Variants in GPRIN1 observed in about 807,000 individuals in gnomAD.
GPRIN1 encodes G protein-regulated inducer of neurite outgrowth 1.
Under a neutral mutation model 2.8 loss-of-function variants are expected in GPRIN1, and 4 were observed. The ratio of observed to expected loss-of-function variants is 1.45; its 90% CI spans 0.71 to 3.32. The LOEUF is 3.32. Among genes scored for constraint, GPRIN1 ranks in the 30% most tolerant of loss-of-function variants. The pLI is 0.01. For missense variants in GPRIN1, 1,322 were observed against 1,343.4 expected, an observed-to-expected ratio of 0.98 and a Z score of 0.25; for synonymous variants, 589 against 589.9, an observed-to-expected ratio of 1.00 and a Z score of 0.02.
In GPRIN1 at chr5:176,597,047, C is replaced by T. The variant is rs1343662635; in HGVS notation, c.2788G>A (p.Glu930Lys). Residue 930 changes from glutamate (E) to lysine (K), a missense_variant, in exon 2 of 2, where the codon GAG becomes AAG. By Grantham distance (56) the Glu-to-Lys change is moderately conservative. This residue lies in a region of GPRIN1 where 196 missense variants were observed against 189.2 expected (regional missense o/e 1.04). Coordinates refer to ENST00000303991, the MANE Select transcript of GPRIN1 (RefSeq NM_052899.3). This position sits in a 1 kb window ranked among gnomAD's most constrained non-coding sequence, Gnocchi z 6.1. Reference protein sequence around the residue: ...MTWEVYGAAMEVEVLGMAIQK... With the variant: ...MTWEVYGAAMKVEVLGMAIQK... ...ATGGCCATGCCCAGCACCTCCACCT[C>T]CATGGCGGCGCCGTATACCTCCCAC... The T allele has an allele frequency of 5.3e-6, 8 of 1,506,650 alleles. No individual in the cohort carries two copies. The highest frequency in any genetic ancestry group is 5.3e-6 in the Non-Finnish European group (6 of 1,125,340). 93.3% of individuals were successfully genotyped at this position (1,506,650 alleles called of 1,614,324 possible).
chr5:176,607,903 C>CT (rs35368228), intron 1 of GPRIN1, among the ~76,000 whole-genome samples: 929 of 67,316 alleles, frequency 0.014, 199 homozygotes, highest in Non-Finnish European at 0.02. Flanking sequence ...ACACTTGGCT[C>CT]TTTTTTTTTT....
rs868494121 is a variant in GPRIN1 at position 176,599,492 on chromosome 5, C to T, written c.343G>A (p.Ala115Thr). The change falls in exon 2 of 2, where the codon GCC becomes ACC. Residue 115 changes from alanine to threonine, a missense_variant. Transcript: ENST00000303991. ...GCTTCTGGTGTCCCTGAGATGGAGG[C>T]TCCATGTGCCTCCAATGTCTCCTTG... is the stretch of plus-strand genomic sequence containing the variant. Reference protein sequence around the residue: ...PSKETLEAHGASISGTPEATT... With the variant: ...PSKETLEAHGTSISGTPEATT... 1.9e-6 allele frequency: 3 copies of T among 1,611,440 alleles called. No homozygotes were observed. The highest frequency in any genetic ancestry group is 2.7e-5 in the African/African-American group (2 of 74,786).
In GPRIN1 at chr5:176,597,378, C is replaced by T; in HGVS notation, c.2457G>A (p.Gln819=). The part of the protein sequence containing the change: ...REDAGTQAGA[Q]ACVSVAVSPM... ...GGCTCACGGCCACTGAGACGCAGGC[C>T]TGCGCGCCCGCCTGAGTGCCCGCGT... The change falls in exon 2 of 2, where the codon CAG becomes CAA. Residue 819 remains glutamine, a synonymous_variant. Coordinates refer to ENST00000303991, the MANE Select transcript of GPRIN1 (RefSeq NM_052899.3). The surrounding 1 kb of genome is among the most constrained non-coding windows in gnomAD (Gnocchi z 6.1). The T allele has an allele frequency of 7.8e-7, 1 of 1,277,984 alleles. No homozygotes were observed. Among genetic ancestry groups the T allele is most frequent in the Non-Finnish European group, 9.8e-7 (1 of 1,016,418 alleles). The allele number at this position is 1,277,984 out of a possible 1,614,324, so 79.2% of individuals were successfully genotyped here.
In GPRIN1 at chr5:176,598,012, G is replaced by T; in HGVS notation, c.1823C>A (p.Ser608Tyr). The T allele has an allele frequency of 6.2e-7, 1 of 1,614,080 alleles. No individual in the cohort carries two copies. The highest frequency in any genetic ancestry group is 8.5e-7 in the Non-Finnish European group (1 of 1,180,010). The change falls in exon 2 of 2, where the codon TCT becomes TAT. Residue 608 changes from serine to tyrosine, a missense_variant. By Grantham distance (144) the Ser-to-Tyr change is moderately radical. This residue lies in a region of GPRIN1 where 1,117 missense variants were observed against 1,128.6 expected (regional missense o/e 0.99). Coordinates refer to ENST00000303991, the MANE Select transcript of GPRIN1 (RefSeq NM_052899.3). ...AGGACTCCCCTTCTCTAGAGGCAGA[G>T]AACCCACTTTTCCCTCTGGGATAGC... is the stretch of plus-strand genomic sequence containing the variant. ...AEAIPEGKVG[S>Y]LPLEKGSPVT...
intron 1 of GPRIN1, among the ~76,000 whole-genome samples, chr5:176,607,901 CTCT>C (rs1759245961): frequency 1.0e-5 from 1 of 95,906 alleles, no homozygotes; most frequent in Non-Finnish European, 2.1e-5. Context: ...TGACACTTGG[CTCT>C]TTTTTTTTTT....
chr5:176,596,496 T>G lies in GPRIN1; in HGVS notation c.*312A>C, dbSNP rs2113344109. ...GGAGCCTGCCCCAGCTCTCAGGGGG[T>G]GGGAGGTGAGGGTGCTGAGCAGGCC... On this transcript the variant is annotated 3_prime_UTR_variant, in exon 2 of 2. Transcript: ENST00000303991. This position sits in a 1 kb window ranked among gnomAD's most constrained non-coding sequence, Gnocchi z 5.2. The G allele has an allele frequency of 5.7e-6, 1 of 174,062 alleles. No individual in the cohort carries two copies. The highest frequency in any genetic ancestry group is 1.2e-5 in the Non-Finnish European group (1 of 84,856). The allele number at this position is 174,062 out of a possible 1,614,324, so 10.8% of individuals were successfully genotyped here. A position where few individuals can be genotyped will look rare whatever the true frequency, so the allele number is the denominator to read the frequency against.
chr5:176,595,924 C>CA lies in GPRIN1; in HGVS notation c.*883dup, dbSNP rs967683397. On this transcript the variant is annotated 3_prime_UTR_variant, in exon 2 of 2. Coordinates refer to ENST00000303991, the MANE Select transcript of GPRIN1 (RefSeq NM_052899.3). ...ACTTGGGCTCACAGCACAGGGGGGA[C>CA]AAGGGGCTGGAGAGGGTGGCCTTTA... 6 of 380,394 alleles carry CA rather than the reference C, an allele frequency of 1.6e-5. No homozygotes were observed. The highest frequency in any genetic ancestry group is 2.3e-5 in the Non-Finnish European group (5 of 213,876). The allele number at this position is 380,394 out of a possible 1,614,324, so 23.6% of individuals were successfully genotyped here. A position where few individuals can be genotyped will look rare whatever the true frequency, so the allele number is the denominator to read the frequency against.
intron 1 of GPRIN1, among the ~76,000 whole-genome samples, chr5:176,606,003 C>T (rs1338961302): frequency 6.6e-6 from 1 of 152,120 alleles, no homozygotes; most frequent in Non-Finnish European, 1.5e-5. Flanking sequence ...CTCACTACCC[C>T]TCATTTCAGC....
Position 176,597,418 on chromosome 5 carries a change from G to A in GPRIN1, c.2417C>T (p.Pro806Leu). 1 of 1,293,684 alleles carries A rather than the reference G, an allele frequency of 7.7e-7. No individual in the cohort carries two copies. The highest frequency in any genetic ancestry group is 9.8e-7 in the Non-Finnish European group (1 of 1,025,564). 80.1% of individuals were successfully genotyped at this position (1,293,684 alleles called of 1,614,324 possible). The change falls in exon 2 of 2, where the codon CCG becomes CTG. Residue 806 changes from proline to leucine, a missense_variant. Around this residue, in one of 3 missense-constraint regions of GPRIN1, gnomAD observed 1,117 missense variants for 1,128.6 expected, o/e 0.99. Transcript: ENST00000303991. The surrounding 1 kb of genome is among the most constrained non-coding windows in gnomAD (Gnocchi z 6.1). The stretch of plus-strand genomic sequence containing the variant: ...AGTGCCCGCGTCCTCGCGCGGCGGC[G>A]GCGGGGCGCTCGCCTCCCACGACGG... ...KAPSWEASAPPPPREDAGTQA... is the reference protein window; with the variant it reads ...KAPSWEASAPLPPREDAGTQA...
intron 1 of GPRIN1, among the ~76,000 whole-genome samples, chr5:176,603,912 G>A (rs1759184913): frequency 6.6e-6 from 1 of 152,210 alleles, no homozygotes; most frequent in African/African-American, 2.4e-5. Flanking sequence ...GACTGAGGGA[G>A]ACAAGAGGGA....
chr5:176,596,633 G>A lies in GPRIN1; in HGVS notation c.*175C>T. The A allele has an allele frequency of 4.5e-6, 2 of 444,842 alleles. No individual in the cohort carries two copies. Among genetic ancestry groups the A allele is most frequent in the Non-Finnish European group, 6.9e-6 (2 of 291,366 alleles). 27.6% of individuals were successfully genotyped at this position (444,842 alleles called of 1,614,324 possible). A position where few individuals can be genotyped will look rare whatever the true frequency, so the allele number is the denominator to read the frequency against. ...GTGGCCACGAGGGAGCTTGGTAGAA[G>A]GGGTTCTTCTGTATTTGTGATGGGA... On this transcript the variant is annotated 3_prime_UTR_variant, in exon 2 of 2. Coordinates refer to ENST00000303991, the MANE Select transcript of GPRIN1 (RefSeq NM_052899.3). The surrounding 1 kb of genome is among the most constrained non-coding windows in gnomAD (Gnocchi z 5.2).
chr5:176,598,322 G>T lies in GPRIN1; in HGVS notation c.1513C>A (p.Pro505Thr), dbSNP rs1759087062. The T allele has an allele frequency of 6.2e-7, 1 of 1,613,776 alleles. No individual in the cohort carries two copies. Among genetic ancestry groups the T allele is most frequent in the Non-Finnish European group, 8.5e-7 (1 of 1,179,740 alleles). Residue 505 changes from proline (P) to threonine (T), a missense_variant, in exon 2 of 2, where the codon CCC (proline) becomes ACC (threonine). Pro to Thr is a conservative substitution (Grantham distance 38, BLOSUM62 -1). Coordinates refer to ENST00000303991, the MANE Select transcript of GPRIN1 (RefSeq NM_052899.3). ...GDPRSLGTAG[P>T]PSAVKAEPAT... The stretch of plus-strand genomic sequence containing the variant: ...GGCTCAGCCTTTACTGCAGATGGGG[G>T]ACCTGCTGTCCCCAAGGACCTGGGA...
At position 176,597,259 on chromosome 5, in the gene GPRIN1, A is replaced by G; in HGVS notation, c.2576T>C (p.Leu859Pro). The G allele has an allele frequency of 1.0e-5, 13 of 1,245,696 alleles. No homozygotes were observed. Among genetic ancestry groups the G allele is most frequent in the Non-Finnish European group, 1.3e-5 (13 of 997,314 alleles). 77.2% of individuals were successfully genotyped at this position (1,245,696 alleles called of 1,614,324 possible). Residue 859 changes from leucine to proline, a missense_variant, in exon 2 of 2, where the codon CTG becomes CCG. By Grantham distance (98) the Leu-to-Pro change is moderately conservative. Coordinates refer to ENST00000303991, the MANE Select transcript of GPRIN1 (RefSeq NM_052899.3). This position sits in a 1 kb window ranked among gnomAD's most constrained non-coding sequence, Gnocchi z 6.1. ...PSPPSRRDAG[L>P]QVSLGAAETR... ...CTCGGCGGCGCCCAGCGACACCTGC[A>G]GGCCCGCATCTCGGCGCGAGGGCGG...
In GPRIN1 at chr5:176,598,866, TGGAATCAGCTTGCCCA is replaced by T; in HGVS notation, c.953_968del (p.Leu318GlnfsTer39). ...CAGGCCCATTCTTGCCTGATGAGCC[TGGAATCAGCTTGCCCA>T]GGAGCCCCGGCTCTGTCTTTCCTGT... On this transcript the variant is annotated frameshift_variant, in exon 2 of 2. Coordinates refer to ENST00000303991, the MANE Select transcript of GPRIN1 (RefSeq NM_052899.3). LOFTEE classifies it low-confidence loss of function (END_TRUNC). The T allele has an allele frequency of 6.2e-7, 1 of 1,613,870 alleles. No homozygotes were observed. Among genetic ancestry groups the T allele is most frequent in the South Asian group, 1.1e-5 (1 of 91,078 alleles).
At position 176,599,032 on chromosome 5, in the gene GPRIN1, A is replaced by T. The variant is rs1254253792; in HGVS notation, c.803T>A (p.Val268Glu). 1.2e-6 allele frequency: 2 copies of T among 1,614,006 alleles called. 1 individual carries two copies. The highest frequency in any genetic ancestry group is 3.3e-5 in the Admixed American group (2 of 60,002). The change falls in exon 2 of 2, where the codon GTG (valine) becomes GAG (glutamate). Residue 268 changes from valine (V) to glutamate (E), a missense_variant. This residue lies in a region of GPRIN1 where 1,117 missense variants were observed against 1,128.6 expected (regional missense o/e 0.99). Coordinates refer to ENST00000303991, the MANE Select transcript of GPRIN1 (RefSeq NM_052899.3). ...TGTAGGAGCGACCTTTTCTGAGGACACAGGATGCTCTTTTCCTGAATACCT... is the reference window on the plus strand; with the variant it reads ...TGTAGGAGCGACCTTTTCTGAGGACTCAGGATGCTCTTTTCCTGAATACCT... ...EPRYSGKEHP[V>E]SSEKVAPTSA...
chr5:176,600,907 C>T (rs960187022), intron 1 of GPRIN1, among the ~76,000 whole-genome samples: 1 of 152,118 alleles, frequency 6.6e-6, no homozygotes, highest in South Asian at 2.1e-4. Flanking sequence ...CAGAGCAAGA[C>T]TCCATCTCAA....
Position 176,598,382 on chromosome 5 carries a change from C to T in GPRIN1, c.1453G>A (p.Gly485Arg), listed in dbSNP as rs1561886569. The T allele has an allele frequency of 3.1e-6, 5 of 1,614,042 alleles. No individual in the cohort carries two copies. Among genetic ancestry groups the T allele is most frequent in the Middle Eastern group, 1.6e-4 (1 of 6,062 alleles). Residue 485 changes from glycine (G) to arginine (R), a missense_variant, in exon 2 of 2, where the codon GGA (glycine) becomes AGA (arginine). Around this residue, in one of 3 missense-constraint regions of GPRIN1, gnomAD observed 1,117 missense variants for 1,128.6 expected, o/e 0.99. Coordinates refer to ENST00000303991, the MANE Select transcript of GPRIN1 (RefSeq NM_052899.3). ...CCTGAAGACACAGGGTTTGTCTTTCCTGAAGACTCAGGATTCACTTTTTCA... is the reference window on the plus strand; with the variant it reads ...CCTGAAGACACAGGGTTTGTCTTTCTTGAAGACTCAGGATTCACTTTTTCA... ...SSEKVNPESS[G>R]KTNPVSSGPG...
chr5:176,607,901 CTCTTTTTTT>C (rs1759246157), intron 1 of GPRIN1, among the ~76,000 whole-genome samples: 5 of 95,928 alleles, frequency 5.2e-5, no homozygotes, highest in South Asian at 3.3e-4. Flanking sequence ...TGACACTTGG[CTCTTTTTTT>C]TTTTTTTTTT....
rs1759121431 is a variant in GPRIN1, at chr5:176,599,824, G to A, written c.11C>T (p.Ala4Val). The change falls in exon 2 of 2, where the codon GCT (alanine) becomes GTT (valine). Residue 4 changes from alanine (A) to valine (V), a missense_variant. Ala to Val is a moderately conservative substitution (Grantham distance 64, BLOSUM62 0). Around this residue, in one of 3 missense-constraint regions of GPRIN1, gnomAD observed 1,117 missense variants for 1,128.6 expected, o/e 0.99. Transcript: ENST00000303991. ...CAGCTGGAGCCAGGCCGGGTCTTCA[G>A]CAGTGTCCATCTGCCCTCATGACCA... Reference protein sequence around the residue: MDTAEDPAWLQLLQ... With the variant: MDTVEDPAWLQLLQ... 6.7e-7 allele frequency: 1 copy of A among 1,486,100 alleles called. No homozygotes were observed. The highest frequency in any genetic ancestry group is 9.0e-7 in the Non-Finnish European group (1 of 1,116,676). The allele number at this position is 1,486,100 out of a possible 1,614,324, so 92.1% of individuals were successfully genotyped here. A position where few individuals can be genotyped will look rare whatever the true frequency, so the allele number is the denominator to read the frequency against.
Sources: gnomAD v4.1 joint callset for allele counts (sites outside exome capture counted in the v4.1 genomes callset) on GRCh38, gnomAD v4.1.1 for gene constraint, gnomAD v4.1.1 regional missense constraint, Gnocchi (gnomAD v3.1) non-coding constraint, MANE v1.5 for transcripts, NCBI Gene and HGNC (gene_info 2026-07-23, HGNC 2026-07-21) for gene names.